NFIA: variants seen among roughly 807,000 people sequenced by gnomAD.
NFIA encodes the protein nuclear factor 1 A-type.
In NFIA, 8 loss-of-function variants were observed where a neutral mutation model predicts 62.8. The ratio of observed to expected loss-of-function variants is 0.13; its 90% CI spans 0.07 to 0.23. The LOEUF is 0.23. Among genes scored for constraint, NFIA ranks in the 10% least tolerant of loss-of-function variants. The pLI is 1.00. For missense variants in NFIA, 410 were observed against 642.1 expected (o/e 0.64, Z 3.91); for synonymous variants, 235 against 238.1 (o/e 0.99, Z 0.12).
chr1:61,372,788 G>A (rs2100466402), intron 6 of NFIA, among the ~76,000 whole-genome samples: 1 of 152,180 alleles, frequency 6.6e-6, no homozygotes, highest in East Asian at 1.9e-4. Flanking sequence ...TCAGTATAGT[G>A]AACATACTTG....
upstream of NFIA, chr1:61,082,286 G>A (rs979427281): frequency 9.3e-6 from 3 of 324,246 alleles, no homozygotes; most frequent in Non-Finnish European, 1.5e-5. Flanking sequence ...GGGAGCGAGC[G>A]AGCCAGCCTG....
chr1:61,082,440 G>C (rs547742817), upstream of NFIA: 135 of 1,030,034 alleles, frequency 1.3e-4, 1 homozygote, highest in South Asian at 3.3e-3. Context: ...AGGCGGAGGC[G>C]GGCGCGCGGG....
intron 2 of NFIA, among the ~76,000 whole-genome samples, chr1:61,184,385 T>C (rs1570334225): frequency 2.6e-5 from 4 of 152,250 alleles, no homozygotes; most frequent in South Asian, 4.1e-4. Flanking sequence ...AAAAACTTGC[T>C]ACCTCCACAG....
At chr1:61,108,699 T>C (rs956011705) in intron 2 of NFIA, among the ~76,000 whole-genome samples, 8 of 151,734 alleles carry the variant, frequency 5.3e-5, no homozygotes, top group African/African-American at 1.9e-4. Context: ...GTTAATGCCT[T>C]AATATTTAAA....
intron 2 of NFIA, among the ~76,000 whole-genome samples, chr1:61,244,972 C>A (rs558633936): frequency 8.5e-4 from 129 of 152,156 alleles, no homozygotes; most frequent in Non-Finnish European, 1.5e-3. Context: ...ACATTTTTTT[C>A]TTCATTAAAT....
At chr1:61,178,546 G>T (rs1044561534) in intron 2 of NFIA, among the ~76,000 whole-genome samples, 1 of 152,188 alleles carries the variant, frequency 6.6e-6, no homozygotes, top group Non-Finnish European at 1.5e-5. Context: ...TGTGTAACCA[G>T]ATAGGTGGAA....
At position 61,460,320 on chromosome 1, in the gene NFIA, G is replaced by A. The variant is rs1444687573; in HGVS notation, c.*5000G>A. The A allele has an allele frequency of 6.6e-6, 1 of 152,184 alleles. No individual in the cohort carries two copies. The highest frequency in any genetic ancestry group is 1.9e-4 in the East Asian group (1 of 5,200). 9.4% of individuals were successfully genotyped at this position (152,184 alleles called of 1,614,324 possible). A position where few individuals can be genotyped will look rare whatever the true frequency, so the allele number is the denominator to read the frequency against. ...ATGAAAATTGCTTTGATATATAGCAGGTAACATTGAAGCTATTCCATAGCA... is the reference window on the plus strand; with the variant it reads ...ATGAAAATTGCTTTGATATATAGCAAGTAACATTGAAGCTATTCCATAGCA... On this transcript the variant is annotated 3_prime_UTR_variant, in exon 11 of 11. Transcript: ENST00000403491.
intron 3 of NFIA, among the ~76,000 whole-genome samples, chr1:61,281,516 A>G (rs190476837): frequency 7.2e-5 from 11 of 152,334 alleles, no homozygotes; most frequent in Admixed American, 3.3e-4. Context: ...CCCTGCTCTG[A>G]AATGTCAGAC....
chr1:61,387,909 A>G (rs1664787403), intron 7 of NFIA, among the ~76,000 whole-genome samples: 1 of 152,224 alleles, frequency 6.6e-6, no homozygotes, highest in South Asian at 2.1e-4. Flanking sequence ...CGTTGCATCC[A>G]AAGAAAACCT....
intron 2 of NFIA, among the ~76,000 whole-genome samples, chr1:61,212,493 T>G (rs1206317370): frequency 3.3e-5 from 5 of 152,206 alleles, no homozygotes; most frequent in African/African-American, 1.2e-4. Flanking sequence ...TTTTGAATAA[T>G]TGAATTAATG....
At chr1:61,118,573 T>C (rs1244623392) in intron 2 of NFIA, among the ~76,000 whole-genome samples, 4 of 152,058 alleles carry the variant, frequency 2.6e-5, no homozygotes, top group Non-Finnish European at 5.9e-5. Flanking sequence ...GGACCTGCTT[T>C]AGATGGGAAT....
intron 6 of NFIA, 88 bp from the exon 7 acceptor site, chr1:61,383,149 T>C: frequency 6.7e-7 from 1 of 1,503,236 alleles, no homozygotes; most frequent in Non-Finnish European, 9.1e-7. Context: ...TTTTGTTTGT[T>C]TTTAATTCTT....
At chr1:61,331,532 A>G (rs1304156045) in intron 3 of NFIA, among the ~76,000 whole-genome samples, 1 of 152,140 alleles carries the variant, frequency 6.6e-6, no homozygotes, top group African/African-American at 2.4e-5. Flanking sequence ...TTCTCAAGGT[A>G]TGTTTCTTAT....
chr1:61,296,666 C>T (rs1252131797), intron 3 of NFIA, among the ~76,000 whole-genome samples: 1 of 152,142 alleles, frequency 6.6e-6, no homozygotes, highest in East Asian at 1.9e-4. Context: ...GTGATTCCAA[C>T]TCTTATCTCT....
In NFIA at chr1:61,082,704, CTCCCTCTT is replaced by C; in HGVS notation, c.-85_-78del. ...TCTCTCTCTCTCTCTCTCTTCCTCT[CTCCCTCTT>C]TCTCCTCTCTCACCCACACTCACGC... is the stretch of plus-strand genomic sequence containing the variant. On this transcript the variant is annotated 5_prime_UTR_variant, in exon 1 of 11. Transcript: ENST00000403491. The C allele has an allele frequency of 1.3e-6, 2 of 1,547,064 alleles. No individual in the cohort carries two copies. The highest frequency in any genetic ancestry group is 1.7e-6 in the Non-Finnish European group (2 of 1,144,402).
At chr1:61,333,632 T>G (rs1661426641) in intron 4 of NFIA, among the ~76,000 whole-genome samples, 2 of 152,192 alleles carry the variant, frequency 1.3e-5, no homozygotes, top group South Asian at 4.1e-4. Flanking sequence ...TGCAATAAGC[T>G]TTTCAGACAA....
At chr1:61,200,563 A>G (rs1366377357) in intron 2 of NFIA, among the ~76,000 whole-genome samples, 2 of 152,190 alleles carry the variant, frequency 1.3e-5, no homozygotes, top group Non-Finnish European at 1.5e-5. Flanking sequence ...AGCTTCTGCT[A>G]TAAAATGATG....
At chr1:61,234,453 G>A (rs1265031980) in intron 2 of NFIA, among the ~76,000 whole-genome samples, 2 of 151,066 alleles carry the variant, frequency 1.3e-5, no homozygotes, top group Non-Finnish European at 2.9e-5. Flanking sequence ...TAATCCTTGC[G>A]TTATGCGGGT....
chr1:61,280,100 G>C (rs981909487), intron 3 of NFIA, among the ~76,000 whole-genome samples: 15 of 152,168 alleles, frequency 9.9e-5, no homozygotes, highest in Non-Finnish European at 1.5e-4. Flanking sequence ...TCAGTTTTCT[G>C]CCTCTTGTCA....
Sources: gnomAD v4.1 joint callset for allele counts (sites outside exome capture counted in the v4.1 genomes callset) on GRCh38, gnomAD v4.1.1 for gene constraint, MANE v1.5 for transcripts, NCBI Gene and HGNC (gene_info 2026-07-23, HGNC 2026-07-21) for gene names.